Variants in TNS1 observed in about 807,000 individuals in gnomAD.
The protein encoded by TNS1 is tensin 1, also known as tensin-1.
A neutral mutation model predicts 168.6 loss-of-function variants in TNS1; 62 were observed. That is an observed-to-expected ratio of 0.37 (90% CI 0.30 to 0.45). The LOEUF (loss-of-function observed/expected upper bound fraction) is 0.45, where lower values mean the gene tolerates loss of function less well. Ranked by LOEUF, TNS1 falls within the 20% of genes least tolerant of loss-of-function variation. TNS1 has a pLI of 1.00. For synonymous variants in TNS1, 934 were observed against 933.2 expected (o/e 1.00, Z -0.02); for missense variants, 2,240 against 2,339.4 (o/e 0.96, Z 0.88).
At position 217,948,970 on chromosome 2, in the gene TNS1, G is replaced by A. The variant is rs2125970998; in HGVS notation, c.187-28734C>T. ...GTACCATAGTGTCAGGGCAGAGGAT[G>A]GAAAGGGAAGGAGAGTCGGGGGAAA... On this transcript the variant is annotated intron_variant, in intron 3 of 32. Transcript: ENST00000682258. The surrounding 1 kb of genome is among the most constrained non-coding windows in gnomAD (Gnocchi z 4.1). Among the ~76,000 whole-genome samples the A allele has an allele frequency of 6.6e-6, 1 of 152,308 alleles. No homozygotes were observed. Among genetic ancestry groups the A allele is most frequent in the Non-Finnish European group, 1.5e-5 (1 of 68,038 alleles).
At chr2:217,963,295 A>G (rs1408236882) in intron 3 of TNS1, among the ~76,000 whole-genome samples, 3 of 152,232 alleles carry the variant, frequency 2.0e-5, no homozygotes, top group African/African-American at 7.2e-5. Flanking sequence ...TAATTGGCAC[A>G]GGTGCTCCGG....
Position 217,842,656 on chromosome 2 carries a change from A to G in TNS1, c.3007+4854T>C, listed in dbSNP as rs571411957. ...TCAGATGATGTCACTCTTGGGCCCA[A>G]ATCCTTCCTAAGGCTTCTCATGCCA... On this transcript the variant is annotated intron_variant, in intron 19 of 32. Transcript: ENST00000682258. Among the ~76,000 whole-genome samples, 6 of 152,248 alleles carry G rather than the reference A, an allele frequency of 3.9e-5. No homozygotes were observed. In the East Asian group the frequency reaches 1.2e-3, roughly 29 times the overall value.
chr2:218,003,886 C>CT (rs1227840171), upstream of TNS1, among the ~76,000 whole-genome samples: 6 of 151,978 alleles, frequency 3.9e-5, no homozygotes, highest in Non-Finnish European at 7.4e-5. Context: ...CTCCCCTCCC[C>CT]TCGCCCCCAC....
rs1338971092 is a variant in TNS1, at chr2:217,995,531, T to C, written c.34-4475A>G. Among the ~76,000 whole-genome samples the C allele has an allele frequency of 6.6e-6, 1 of 151,596 alleles. No homozygotes were observed. Among genetic ancestry groups the C allele is most frequent in the African/African-American group, 2.4e-5 (1 of 41,216 alleles). Reference sequence around the variant, plus strand: ...GTACCTACCCAGCCCTCCCCCCGGGTTGTTCTGCAGGTACAGGCAGAGGAT... The same window carrying C: ...GTACCTACCCAGCCCTCCCCCCGGGCTGTTCTGCAGGTACAGGCAGAGGAT... On this transcript the variant is annotated intron_variant, in intron 1 of 32. Transcript: ENST00000682258. This position sits in a 1 kb window ranked among gnomAD's most constrained non-coding sequence, Gnocchi z 4.1.
chr2:217,897,903 C>T lies in TNS1; in HGVS notation c.438G>A (p.Arg146=), dbSNP rs1167154669. The T allele has an allele frequency of 1.9e-6, 3 of 1,613,730 alleles. No individual in the cohort carries two copies. The South Asian group carries it at 3.3e-5, about 18-fold the overall frequency. Residue 146 remains arginine (R), a synonymous_variant, in exon 8 of 33, where the codon AGG becomes AGA. Transcript: ENST00000682258. ...TGCTGGGGAAGGAGACAGCGATGAT[C>T]CTCTCTGTGACGTACACCAGGTCCA... The part of the protein sequence containing the change: ...CELDLVYVTE[R]IIAVSFPSTA...
intron 1 of TNS1, among the ~76,000 whole-genome samples, chr2:218,019,869 G>C (rs1167381142): frequency 1.3e-5 from 2 of 152,006 alleles, no homozygotes; most frequent in Non-Finnish European, 1.5e-5. Context: ...TCCTGTCAAT[G>C]GCCCCAAGAT....
intron 1 of TNS1, among the ~76,000 whole-genome samples, chr2:218,002,042 C>T (rs1012419830): frequency 6.6e-6 from 1 of 152,214 alleles, no homozygotes; most frequent in African/African-American, 2.4e-5. Context: ...GGGTCCTCTC[C>T]TCCTCTGACC....
intron 18 of TNS1, chr2:217,879,284 A>T (rs373374494): frequency 2.9e-6 from 1 of 349,302 alleles, no homozygotes; most frequent in Admixed American, 3.6e-5. Flanking sequence ...ATGGAGAGAC[A>T]GTAAAAATTC....
intron 3 of TNS1, among the ~76,000 whole-genome samples, chr2:217,959,524 G>A (rs1440622663): frequency 6.6e-6 from 1 of 151,518 alleles, no homozygotes; most frequent in African/African-American, 2.4e-5. Context: ...TCTTAGCATG[G>A]AATCTTATCA....
At chr2:217,969,327 G>T (rs963235042) in intron 3 of TNS1, among the ~76,000 whole-genome samples, 1 of 152,040 alleles carries the variant, frequency 6.6e-6, no homozygotes, top group Non-Finnish European at 1.5e-5. Context: ...ACTCAAAATG[G>T]ATAAAAGACC....
chr2:217,938,132 A>G (rs1440452916), intron 3 of TNS1, among the ~76,000 whole-genome samples: 1 of 152,226 alleles, frequency 6.6e-6, no homozygotes, highest in Non-Finnish European at 1.5e-5. Context: ...AGCTGTCATC[A>G]TCATCAACCC....
intron 3 of TNS1, among the ~76,000 whole-genome samples, chr2:217,952,688 G>A (rs926530488): frequency 1.3e-4 from 20 of 152,174 alleles, no homozygotes; most frequent in African/African-American, 3.9e-4. Context: ...TAGGCTTCAA[G>A]GTGGCTGGAG....
rs1351855098 is a variant in TNS1 at position 217,803,636 on chromosome 2, G to C, written c.*823C>G. On this transcript the variant is annotated 3_prime_UTR_variant, in exon 33 of 33. Transcript: ENST00000682258. ...CACTCCTGCTGGGGTCTTTGTAGAA[G>C]AGAAGGGTCTGGCGGCACCCAGGGT... 6.6e-6 allele frequency: 1 copy of C among 152,654 alleles called. No individual in the cohort carries two copies. The highest frequency in any genetic ancestry group is 1.5e-5 in the Non-Finnish European group (1 of 68,078). The allele number at this position is 152,654 out of a possible 1,614,324, so 9.5% of individuals were successfully genotyped here.
In TNS1 at chr2:217,821,802, C is replaced by T. The variant is rs1309853112; in HGVS notation, c.3510G>A (p.Leu1170=). 6.5e-7 allele frequency: 1 copy of T among 1,543,840 alleles called. No homozygotes were observed. The highest frequency in any genetic ancestry group is 1.4e-5 in the African/African-American group (1 of 71,176). The change falls in exon 23 of 33, where the codon CTG becomes CTA. Residue 1170 remains leucine (L), a synonymous_variant. Transcript: ENST00000682258. ...GGCTGGGGGAGACAAAGGAGCCACC[C>T]AGGGTCCCGTTCCTCAGGGGTATCT... is the stretch of plus-strand genomic sequence containing the variant. The part of the protein sequence containing the change: ...GHEIPLRNGT[L]GGSFVSPSPL...
At chr2:217,870,514 C>T (rs1324829445) in intron 18 of TNS1, among the ~76,000 whole-genome samples, 1 of 152,106 alleles carries the variant, frequency 6.6e-6, no homozygotes, top group Non-Finnish European at 1.5e-5. Context: ...TTGATGGGTC[C>T]GGATAGCTTG....
intron 18 of TNS1, among the ~76,000 whole-genome samples, chr2:217,878,035 C>G (rs910874218): frequency 6.6e-6 from 1 of 152,196 alleles, no homozygotes; most frequent in Non-Finnish European, 1.5e-5. Context: ...CCTTGGACAC[C>G]CTTCCCTCTA....
At chr2:217,869,279 G>A (rs1232330759) in intron 18 of TNS1, among the ~76,000 whole-genome samples, 1 of 152,198 alleles carries the variant, frequency 6.6e-6, no homozygotes, top group African/African-American at 2.4e-5. Flanking sequence ...TGGAGAGATT[G>A]GCCCCAAAGC....
Position 217,822,074 on chromosome 2 carries a change from A to G in TNS1, c.3374-136T>C. ...TAGGAATAGCCCCCAAAGGACAGGC[A>G]GGGCTCCTGCCTGCCCAGACCCACC... is the stretch of plus-strand genomic sequence containing the variant. On this transcript the variant is annotated intron_variant, in intron 22 of 32. Transcript: ENST00000682258. The G allele has an allele frequency of 4.0e-6, 4 of 994,884 alleles. No homozygotes were observed. The South Asian group carries it at 7.0e-5, about 18-fold the overall frequency. 61.6% of individuals were successfully genotyped at this position (994,884 alleles called of 1,614,324 possible). A position where few individuals can be genotyped will look rare whatever the true frequency, so the allele number is the denominator to read the frequency against.
intron 18 of TNS1, among the ~76,000 whole-genome samples, chr2:217,865,453 G>A (rs1371642418): frequency 6.6e-6 from 1 of 152,230 alleles, no homozygotes; most frequent in African/African-American, 2.4e-5. Flanking sequence ...GAGAGAGGAA[G>A]GCAGGGAAGA....
Sources: allele counts gnomAD v4.1 joint callset (sites outside exome capture counted in the v4.1 genomes callset), GRCh38; gene constraint gnomAD v4.1.1; non-coding constraint Gnocchi (gnomAD v3.1); transcripts MANE v1.5; gene names NCBI Gene and HGNC (gene_info 2026-07-23, HGNC 2026-07-21).